FAM107B: variants seen among roughly 807,000 people sequenced by gnomAD.
The protein encoded by FAM107B is family with sequence similarity 107 member B, also known as protein FAM107B.
Under a neutral mutation model 31.5 loss-of-function variants are expected in FAM107B, and 21 were observed. The observed-to-expected ratio is 0.67, with a 90% confidence interval of 0.47 to 0.96. FAM107B has a LOEUF of 0.96. Ranked by LOEUF, FAM107B falls within the 40% of genes least tolerant of loss-of-function variation. The probability of loss-of-function intolerance (pLI) is 0.00; values close to 1 mark genes in which losing one functional copy is unlikely to be tolerated. For missense variants in FAM107B, 452 were observed against 377.1 expected, an observed-to-expected ratio of 1.20 and a Z score of -1.64; for synonymous variants, 157 against 141.5, an observed-to-expected ratio of 1.11 and a Z score of -0.78.
At chr10:14,696,269 T>C (rs1483776693) in intron 1 of FAM107B, among the ~76,000 whole-genome samples, 2 of 152,264 alleles carry the variant, frequency 1.3e-5, no homozygotes, top group East Asian at 3.8e-4. Context: ...TCTCGCATTC[T>C]GTTAATGTGA....
rs529078903 is a variant in FAM107B at position 14,555,073 on chromosome 10, C to G, written c.470-24558G>C. Among the ~76,000 whole-genome samples, 3 of 152,264 alleles carry G rather than the reference C, an allele frequency of 2.0e-5. No individual in the cohort carries two copies. In the East Asian group the frequency reaches 5.8e-4, roughly 29 times the overall value. Reference sequence around the variant, plus strand: ...CTCAGATTAGTCATAAGCAGTTGAGCTCTTTGTTTTACATTATAAATATAC... The same window carrying G: ...CTCAGATTAGTCATAAGCAGTTGAGGTCTTTGTTTTACATTATAAATATAC... On this transcript the variant is annotated intron_variant, in intron 2 of 4. Transcript: ENST00000181796.
chr10:14,581,201 C>T (rs953986676), intron 2 of FAM107B, among the ~76,000 whole-genome samples: 1 of 152,160 alleles, frequency 6.6e-6, no homozygotes, highest in Non-Finnish European at 1.5e-5. Flanking sequence ...GAGCGTTGCG[C>T]GTCAGATGTC....
intron 1 of FAM107B, among the ~76,000 whole-genome samples, chr10:14,765,537 G>A (rs11259322): frequency 0.077 from 11,753 of 152,112 alleles, 1,202 homozygotes; most frequent in African/African-American, 0.23. Context: ...GTAGAAAGCT[G>A]GCATAAGAAG....
intron 1 of FAM107B, among the ~76,000 whole-genome samples, chr10:14,747,604 G>C (rs944095618): frequency 7.9e-5 from 12 of 152,126 alleles, no homozygotes; most frequent in African/African-American, 2.7e-4. Flanking sequence ...ATGCATCTGG[G>C]TTCCTCCCAC....
intron 2 of FAM107B, among the ~76,000 whole-genome samples, chr10:14,638,787 T>C (rs1853562232): frequency 6.6e-6 from 1 of 152,186 alleles, no homozygotes; most frequent in Non-Finnish European, 1.5e-5. Flanking sequence ...CACTGTCTCA[T>C]GTCTAGATGT....
Position 14,521,864 on chromosome 10 carries a change from C to G in FAM107B, c.804+5G>C, listed in dbSNP as rs1271135454. On this transcript the variant is annotated splice_donor_5th_base_variant and intron_variant, in intron 4 of 4. Coordinates refer to ENST00000181796, the MANE Select transcript of FAM107B (RefSeq NM_031453.4). Reference sequence around the variant, plus strand: ...AAAAGACAGCTTCCAGCCAATCCCCCTTACCTGCTCCAACTTCTGCTGCCG... The same window carrying G: ...AAAAGACAGCTTCCAGCCAATCCCCGTTACCTGCTCCAACTTCTGCTGCCG... The G allele has an allele frequency of 6.2e-7, 1 of 1,613,474 alleles. No homozygotes were observed. Among genetic ancestry groups the G allele is most frequent in the Non-Finnish European group, 8.5e-7 (1 of 1,179,830 alleles).
At position 14,577,511 on chromosome 10, in the gene FAM107B, G is replaced by A. The variant is rs1851502931; in HGVS notation, c.470-46996C>T. Among the ~76,000 whole-genome samples the A allele has an allele frequency of 3.3e-5, 5 of 151,766 alleles. No homozygotes were observed. In the South Asian group the frequency reaches 1.0e-3, roughly 31 times the overall value. On this transcript the variant is annotated intron_variant, in intron 2 of 4. Coordinates refer to ENST00000181796, the MANE Select transcript of FAM107B (RefSeq NM_031453.4). ...ATAGTACGAAGAAATAAAAAAAAAT[G>A]TTCTAGTCTTAAAAATTGTTTCTTT...
intron 2 of FAM107B, among the ~76,000 whole-genome samples, chr10:14,590,989 CAAAAA>C (rs35000609): frequency 7.5e-5 from 5 of 67,020 alleles, no homozygotes; most frequent in African/African-American, 2.9e-4. Flanking sequence ...AACTCCATCT[CAAAAA>C]AAAAAAAAAA....
At chr10:14,773,816 A>AT (rs1833358079) in intron 1 of FAM107B, among the ~76,000 whole-genome samples, 1 of 152,206 alleles carries the variant, frequency 6.6e-6, no homozygotes, top group Non-Finnish European at 1.5e-5. Context: ...CATGTGATTC[A>AT]TTTTAAGTAG....
chr10:14,552,052 G>C (rs1424138185), intron 2 of FAM107B, among the ~76,000 whole-genome samples: 4 of 152,162 alleles, frequency 2.6e-5, no homozygotes, highest in Non-Finnish European at 5.9e-5. Flanking sequence ...TTAGTGTAGA[G>C]AAAAGAAAAA....
At chr10:14,651,421 C>A (rs1450996663) in intron 2 of FAM107B, among the ~76,000 whole-genome samples, 1 of 152,104 alleles carries the variant, frequency 6.6e-6, no homozygotes, top group Non-Finnish European at 1.5e-5. Flanking sequence ...GCCTGACCAA[C>A]ATGGAGAGAC....
chr10:14,530,638 G>GA, intron 2 of FAM107B, 123 bp from the exon 3 acceptor site: 4 of 858,572 alleles, frequency 4.7e-6, no homozygotes, highest in Middle Eastern at 2.3e-4. Flanking sequence ...GTCCACTCTG[G>GA]GGCATCGCTG....
intron 1 of FAM107B, among the ~76,000 whole-genome samples, chr10:14,773,519 T>A (rs1833352066): frequency 6.6e-6 from 1 of 152,248 alleles, no homozygotes; most frequent in Non-Finnish European, 1.5e-5. Context: ...ACACTGCATC[T>A]GCAAACTGGG....
rs552352754 is a variant in FAM107B, at chr10:14,546,086, GAA to G, written c.470-15573_470-15572del. On this transcript the variant is annotated intron_variant, in intron 2 of 4. Transcript: ENST00000181796. ...GCCAAACAAACTAATACTTTCAAAA[GAA>G]GAGACTATCTTCAAACAGACTTAAT... is the stretch of plus-strand genomic sequence containing the variant. 1.9e-3 allele frequency among the ~76,000 whole-genome samples: 283 copies of G among 152,310 alleles called. 1 individual carries two copies. The highest frequency in any genetic ancestry group is 6.4e-3 in the African/African-American group (264 of 41,572).
chr10:14,604,753 C>T (rs1191462633), intron 2 of FAM107B, among the ~76,000 whole-genome samples: 2 of 139,302 alleles, frequency 1.4e-5, no homozygotes, highest in East Asian at 5.0e-4. Context: ...CTCTCTCCCT[C>T]TACCTCTCTG....
rs560448183 is a variant in FAM107B, at chr10:14,526,865, T to TCTCG, written c.653+3463_653+3466dup. The stretch of plus-strand genomic sequence containing the variant: ...ATTTTTTTTTTTTTTTGAGACGGAG[T>TCTCG]CTCGCTTTGTCACCCAGGCTGGAGT... On this transcript the variant is annotated intron_variant, in intron 3 of 4. Transcript: ENST00000181796. Among the ~76,000 whole-genome samples the TCTCG allele has an allele frequency of 3.7e-4, 55 of 150,584 alleles. No homozygotes were observed. The East Asian group carries it at 1.0e-2, about 27-fold the overall frequency.
intron 2 of FAM107B, among the ~76,000 whole-genome samples, chr10:14,558,164 C>A (rs1849863260): frequency 6.7e-6 from 1 of 149,810 alleles, no homozygotes; most frequent in Admixed American, 6.7e-5. Flanking sequence ...CCCATCATCA[C>A]CTGCCTCCCC....
chr10:14,544,948 CA>C (rs1848560094), intron 2 of FAM107B, among the ~76,000 whole-genome samples: 1 of 152,122 alleles, frequency 6.6e-6, no homozygotes. Context: ...TGGTGATCCT[CA>C]AAGTGTCATC....
chr10:14,557,730 G>C (rs1172706937), intron 2 of FAM107B, among the ~76,000 whole-genome samples: 1 of 152,222 alleles, frequency 6.6e-6, no homozygotes, highest in Non-Finnish European at 1.5e-5. Flanking sequence ...AGTTCTGCGA[G>C]GGAGGTATTA....
Sources: gnomAD v4.1 joint callset for allele counts (sites outside exome capture counted in the v4.1 genomes callset) on GRCh38, gnomAD v4.1.1 for gene constraint, MANE v1.5 for transcripts, NCBI Gene and HGNC (gene_info 2026-07-23, HGNC 2026-07-21) for gene names.